EPC2: variants seen among roughly 807,000 people sequenced by gnomAD.
EPC2 encodes enhancer of polycomb homolog 2.
In EPC2, 14 loss-of-function variants were observed where a neutral mutation model predicts 92.1. That is an observed-to-expected ratio of 0.15 (90% confidence interval 0.10 to 0.24). The LOEUF is 0.24. Ranked by LOEUF, EPC2 falls within the 10% of genes least tolerant of loss-of-function variation. EPC2 has a pLI of 1.00. For missense variants in EPC2, 755 were observed against 971.5 expected, an observed-to-expected ratio of 0.78 and a Z score of 2.96; for synonymous variants, 340 against 334.7, an observed-to-expected ratio of 1.02 and a Z score of -0.17.
chr2:148,786,427 T>G lies in EPC2; in HGVS notation c.*50T>G, dbSNP rs746024888. The G allele has an allele frequency of 6.8e-7, 1 of 1,473,822 alleles. No homozygotes were observed. The allele number at this position is 1,473,822 out of a possible 1,614,324, so 91.3% of individuals were successfully genotyped here. ...TGCTGATGGTGTGCAGTCATTCATA[T>G]TCCAGCTGAATGCAAAAGGCAACAC... On this transcript the variant is annotated 3_prime_UTR_variant, in exon 14 of 14. Transcript: ENST00000258484.
At chr2:148,729,217 A>G (rs991139357) in intron 2 of EPC2, among the ~76,000 whole-genome samples, 3 of 152,000 alleles carry the variant, frequency 2.0e-5, no homozygotes, top group African/African-American at 7.3e-5. Context: ...ACTAGCTTGT[A>G]CAGGAGTGCT....
rs555278809 is a variant in EPC2 at position 148,775,218 on chromosome 2, G to A, written c.1720+3831G>A. ...AGAAATTAATTTCATACATTATTTA[G>A]TATCTGTTATATGCGAAACACTGTG... is the stretch of plus-strand genomic sequence containing the variant. On this transcript the variant is annotated intron_variant, in intron 10 of 13. Transcript: ENST00000258484. 2.6e-5 allele frequency among the ~76,000 whole-genome samples: 4 copies of A among 152,214 alleles called. No individual in the cohort carries two copies. The East Asian group carries it at 5.8e-4, about 22-fold the overall frequency.
chr2:148,712,672 T>C lies in EPC2; in HGVS notation c.313+22299T>C, dbSNP rs190426281. Among the ~76,000 whole-genome samples, 3 of 149,928 alleles carry C rather than the reference T, an allele frequency of 2.0e-5. No homozygotes were observed. In the East Asian group the frequency reaches 5.8e-4, roughly 29 times the overall value. ...TGGGAGGCTGAGGCTGGAAGATTGC[T>C]TGGGGCCAGGAGTTGGAGACCAGCC... On this transcript the variant is annotated intron_variant, in intron 2 of 13. Coordinates refer to ENST00000258484, the MANE Select transcript of EPC2 (RefSeq NM_015630.4).
At chr2:148,694,271 G>T (rs1194790857) in intron 2 of EPC2, among the ~76,000 whole-genome samples, 3 of 152,178 alleles carry the variant, frequency 2.0e-5, no homozygotes, top group African/African-American at 7.2e-5. Flanking sequence ...AAAAAGTGCC[G>T]AGAAGGAGTT....
chr2:148,762,124 T>G, intron 5 of EPC2, 194 bp downstream of exon 5: 1 of 431,238 alleles, frequency 2.3e-6, no homozygotes, highest in South Asian at 3.2e-5. Context: ...TTGCAGATTT[T>G]GGGAGAGTTT....
intron 1 of EPC2, among the ~76,000 whole-genome samples, chr2:148,658,265 GTCT>G (rs1680847319): frequency 1.3e-5 from 2 of 152,112 alleles, no homozygotes; most frequent in Admixed American, 6.6e-5. Context: ...GCACATGACA[GTCT>G]TCTTGTGCTG....
chr2:148,690,113 T>G, intron 1 of EPC2, 101 bp from the exon 2 acceptor site: 1 of 1,146,956 alleles, frequency 8.7e-7, no homozygotes, highest in Non-Finnish European at 1.2e-6. Context: ...AATTGATTCT[T>G]AAAGCACTTT....
chr2:148,676,387 T>C (rs986539341), intron 1 of EPC2, among the ~76,000 whole-genome samples: 1 of 152,082 alleles, frequency 6.6e-6, no homozygotes. Flanking sequence ...ATTTTGTGTA[T>C]CTTGGTGAAG....
At chr2:148,757,307 C>T (rs773185831) in intron 4 of EPC2, among the ~76,000 whole-genome samples, 1 of 151,876 alleles carries the variant, frequency 6.6e-6, no homozygotes, top group East Asian at 1.9e-4. Context: ...ACCCGGGAGG[C>T]GGAGGTTGCA....
intron 1 of EPC2, among the ~76,000 whole-genome samples, chr2:148,649,463 C>G (rs1263577970): frequency 6.6e-6 from 1 of 152,154 alleles, no homozygotes; most frequent in Non-Finnish European, 1.5e-5. Flanking sequence ...GTCTAGCTTC[C>G]TTTGTTCCGT....
intron 1 of EPC2, among the ~76,000 whole-genome samples, chr2:148,651,445 A>C (rs1204581529): frequency 6.6e-6 from 1 of 152,180 alleles, no homozygotes; most frequent in African/African-American, 2.4e-5. Context: ...AAAACATAGA[A>C]GCACTCAGTA....
intron 2 of EPC2, among the ~76,000 whole-genome samples, chr2:148,723,039 A>C (rs1025528212): frequency 2.0e-5 from 3 of 152,208 alleles, no homozygotes; most frequent in African/African-American, 7.2e-5. Context: ...GGAGGATGGA[A>C]GGAGGAAAAG....
chr2:148,739,164 T>G (rs374741220), intron 2 of EPC2, among the ~76,000 whole-genome samples: 2 of 152,332 alleles, frequency 1.3e-5, no homozygotes, highest in East Asian at 3.9e-4. Context: ...AACTTTTCCC[T>G]CCTGGAGATT....
intron 2 of EPC2, chr2:148,692,273 CTT>C (rs1681661987): frequency 6.2e-6 from 1 of 161,820 alleles, no homozygotes; most frequent in African/African-American, 2.4e-5. Flanking sequence ...ATCGTAGTAT[CTT>C]TTACATACTT....
In EPC2 at chr2:148,784,964, A is replaced by G. The variant is rs1336718558; in HGVS notation, c.2314A>G (p.Lys772Glu). 8 of 1,541,476 alleles carry G rather than the reference A, an allele frequency of 5.2e-6. No individual in the cohort carries two copies. In the Admixed American group the frequency reaches 1.6e-4, roughly 30 times the overall value. The change falls in exon 13 of 14, where the codon AAG becomes GAG. Residue 772 changes from lysine to glutamate, a missense_variant. Physicochemically the swap from Lys to Glu is moderately conservative, Grantham distance 56. This residue lies in a region of EPC2 where 207 missense variants were observed against 260.5 expected (regional missense o/e 0.79). Coordinates refer to ENST00000258484, the MANE Select transcript of EPC2 (RefSeq NM_015630.4). ...TGCTGCCAGTATGGACAGAGTGCCA[A>G]AGGTTACTCCCAGCAGTGCCATCAG... is the stretch of plus-strand genomic sequence containing the variant. ...TVAASMDRVP[K>E]VTPSSAISSI...
rs1353741249 is a variant in EPC2, at chr2:148,781,617, A to C, written c.1721-27A>C. The C allele has an allele frequency of 3.1e-6, 5 of 1,596,306 alleles. No homozygotes were observed. The Admixed American group carries it at 5.3e-5, about 17-fold the overall frequency. On this transcript the variant is annotated intron_variant, in intron 10 of 13. Transcript: ENST00000258484. ...ATTAAAAATCTTTTAAAACGTACTC[A>C]TTTCCAAAATTCATGTTCTTTACCA...
chr2:148,714,976 T>A (rs1390351407), intron 2 of EPC2, among the ~76,000 whole-genome samples: 1 of 151,930 alleles, frequency 6.6e-6, no homozygotes, highest in Non-Finnish European at 1.5e-5. Context: ...TCATGAAATC[T>A]TCGCCCATGC....
At chr2:148,693,007 C>T (rs1385674013) in intron 2 of EPC2, among the ~76,000 whole-genome samples, 1 of 152,028 alleles carries the variant, frequency 6.6e-6, no homozygotes, top group Non-Finnish European at 1.5e-5. Flanking sequence ...TTAAGTTTCT[C>T]AGATTTTTAT....
intron 1 of EPC2, among the ~76,000 whole-genome samples, chr2:148,675,499 G>T (rs549656861): frequency 1.1e-3 from 170 of 152,050 alleles, no homozygotes; most frequent in Middle Eastern, 0.01. Flanking sequence ...CATTTTTTTA[G>T]ATTTGAGGTA....
Sources: allele counts gnomAD v4.1 joint callset (sites outside exome capture counted in the v4.1 genomes callset), GRCh38; gene constraint gnomAD v4.1.1; regional missense constraint gnomAD v4.1.1; transcripts MANE v1.5; gene names NCBI Gene and HGNC (gene_info 2026-07-23, HGNC 2026-07-21).